The following BASP1 variants were observed in gnomAD, a reference collection of about 807,000 sequenced individuals.
BASP1 encodes the protein brain abundant membrane attached signal protein 1.
In BASP1, 1 loss-of-function variant was observed where a neutral mutation model predicts 2.2. The ratio of observed to expected loss-of-function variants is 0.46; its 90% CI spans 0.16 to 2.17. BASP1 has a LOEUF of 2.17. BASP1 is among the 30% of genes most tolerant of loss of function. The probability of loss-of-function intolerance (pLI) is 0.27; values close to 1 mark genes in which losing one functional copy is unlikely to be tolerated. For synonymous variants in BASP1, 187 were observed against 154.2 expected, an observed-to-expected ratio of 1.21 and a Z score of -1.58; for missense variants, 352 against 327.2, an observed-to-expected ratio of 1.08 and a Z score of -0.58.
At chr5:17,226,803 C>T (rs1739517713) in intron 1 of BASP1, among the ~76,000 whole-genome samples, 2 of 152,108 alleles carry the variant, frequency 1.3e-5, no homozygotes, top group Admixed American at 1.3e-4. Flanking sequence ...AGTGACTTCC[C>T]ACTCCTTAAT....
chr5:17,241,263 C>G (rs1406723040), intron 1 of BASP1, among the ~76,000 whole-genome samples: 4 of 152,014 alleles, frequency 2.6e-5, no homozygotes, highest in African/African-American at 9.7e-5. Context: ...CCAGTCCCGG[C>G]TAATTTTTGT....
At chr5:17,217,072 G>A (rs1739257972), upstream of BASP1, 1 of 96,838 alleles carries the variant, frequency 1.0e-5, no homozygotes. Context: ...GAGAGAGAGT[G>A]AGAGAGAGAG....
intron 1 of BASP1, among the ~76,000 whole-genome samples, chr5:17,218,289 G>A (rs1739309371): frequency 6.7e-6 from 1 of 149,486 alleles, no homozygotes; most frequent in South Asian, 2.1e-4. Flanking sequence ...GGGTGGGGTG[G>A]GGCGGGAGTC....
rs548799323 is a variant in BASP1 at position 17,262,978 on chromosome 5, C to A, written c.-9-12230C>A. ...TCTCCTGCCTCAGCCTCCCGAGTAA[C>A]TGAGACTACAGGCACCCGCCACCAC... On this transcript the variant is annotated intron_variant, in intron 1 of 1. Coordinates refer to ENST00000322611, the MANE Select transcript of BASP1 (RefSeq NM_006317.5). 9.8e-3 allele frequency among the ~76,000 whole-genome samples: 1,487 copies of A among 152,204 alleles called. 9 individuals are homozygous for A. Among genetic ancestry groups the A allele is most frequent in the Non-Finnish European group, 0.015 (997 of 68,006 alleles).
chr5:17,222,129 G>A (rs1046649326), intron 1 of BASP1, among the ~76,000 whole-genome samples: 1 of 151,968 alleles, frequency 6.6e-6, no homozygotes, highest in Non-Finnish European at 1.5e-5. Context: ...AATGAAGCCC[G>A]GGGGACCCCA....
rs1740290822 is a variant in BASP1, at chr5:17,260,321, C to T, written c.-9-14887C>T. 6.6e-6 allele frequency among the ~76,000 whole-genome samples: 1 copy of T among 152,080 alleles called. No homozygotes were observed. The highest frequency in any genetic ancestry group is 2.4e-5 in the African/African-American group (1 of 41,394). On this transcript the variant is annotated intron_variant, in intron 1 of 1. Transcript: ENST00000322611. The surrounding 1 kb of genome is among the most constrained non-coding windows in gnomAD (Gnocchi z 4.2). ...GAGAAGCTTAACTATTATCTGCCACCTTTATAGAAGCATTATCAAGTCAGG... is the reference window on the plus strand; with the variant it reads ...GAGAAGCTTAACTATTATCTGCCACTTTTATAGAAGCATTATCAAGTCAGG...
chr5:17,219,008 T>C (rs1739332517), intron 1 of BASP1, among the ~76,000 whole-genome samples: 1 of 151,728 alleles, frequency 6.6e-6, no homozygotes, highest in South Asian at 2.1e-4. Context: ...TGACAACACC[T>C]CTGTCTCCCC....
At position 17,275,455 on chromosome 5, in the gene BASP1, A is replaced by C. The variant is rs369558531; in HGVS notation, c.239A>C (p.Glu80Ala). 435 of 1,514,284 alleles carry C rather than the reference A, an allele frequency of 2.9e-4. No individual in the cohort carries two copies. Among genetic ancestry groups the C allele is most frequent in the Non-Finnish European group, 3.5e-4 (402 of 1,132,936 alleles). 93.8% of individuals were successfully genotyped at this position (1,514,284 alleles called of 1,614,324 possible). A position where few individuals can be genotyped will look rare whatever the true frequency, so the allele number is the denominator to read the frequency against. The change falls in exon 2 of 2, where the codon GAG (glutamate) becomes GCG (alanine). Residue 80 changes from glutamate (E) to alanine (A), a missense_variant. Glu to Ala is a moderately radical substitution (Grantham distance 107). Coordinates refer to ENST00000322611, the MANE Select transcript of BASP1 (RefSeq NM_006317.5). This position sits in a 1 kb window ranked among gnomAD's most constrained non-coding sequence, Gnocchi z 5.3. ...GAGAAGGACGCGGCGGCTGCCAAGG[A>C]GGAGGCCCCGAAGGCGGAGCCCGAG... is the stretch of plus-strand genomic sequence containing the variant. ...EGEKDAAAAKEEAPKAEPEKT... is the reference protein window; with the variant it reads ...EGEKDAAAAKAEAPKAEPEKT...
At position 17,275,414 on chromosome 5, in the gene BASP1, C is replaced by G. The variant is rs367590306; in HGVS notation, c.198C>G (p.Ala66=). The G allele has an allele frequency of 6.4e-7, 1 of 1,558,486 alleles. No individual in the cohort carries two copies. Reference sequence around the variant, plus strand: ...CCGACCAGGACGCCGAGGGCAAGGCCGAGGAGAAGGAGGGCGAGAAGGACG... The same window carrying G: ...CCGACCAGGACGCCGAGGGCAAGGCGGAGGAGAAGGAGGGCGAGAAGGACG... ...EKPDQDAEGK[A]EEKEGEKDAA... Residue 66 remains alanine (A), a synonymous_variant, in exon 2 of 2, where the codon GCC becomes GCG. Coordinates refer to ENST00000322611, the MANE Select transcript of BASP1 (RefSeq NM_006317.5). The surrounding 1 kb of genome is among the most constrained non-coding windows in gnomAD (Gnocchi z 5.3).
Position 17,252,511 on chromosome 5 carries a change from T to C in BASP1, c.-9-22697T>C, listed in dbSNP as rs1186164928. 2.6e-5 allele frequency among the ~76,000 whole-genome samples: 4 copies of C among 152,174 alleles called. No homozygotes were observed. The East Asian group carries it at 7.7e-4, about 29-fold the overall frequency. ...CTTGCTTGACACCCAAGCACGTTTT[T>C]TGGAGATGTTCTCTGTGGATGTTGT... On this transcript the variant is annotated intron_variant, in intron 1 of 1. Coordinates refer to ENST00000322611, the MANE Select transcript of BASP1 (RefSeq NM_006317.5).
intron 1 of BASP1, among the ~76,000 whole-genome samples, chr5:17,224,976 A>G (rs905770433): frequency 7.2e-5 from 11 of 152,220 alleles, no homozygotes; most frequent in South Asian, 6.2e-4. Flanking sequence ...TTTAACCACT[A>G]TCGAAACCTC....
intron 1 of BASP1, among the ~76,000 whole-genome samples, chr5:17,244,011 C>T (rs868593977): frequency 3.3e-5 from 5 of 152,280 alleles, no homozygotes; most frequent in African/African-American, 1.2e-4. Context: ...TGTAAACTAT[C>T]AGCTAGGGTT....
At chr5:17,242,053 C>T (rs1739873545) in intron 1 of BASP1, among the ~76,000 whole-genome samples, 1 of 152,152 alleles carries the variant, frequency 6.6e-6, no homozygotes, top group Admixed American at 6.5e-5. Flanking sequence ...CACGTCTATT[C>T]TGTATGCTTT....
chr5:17,219,690 T>C (rs1365710438), intron 1 of BASP1, among the ~76,000 whole-genome samples: 2 of 152,168 alleles, frequency 1.3e-5, no homozygotes, highest in Non-Finnish European at 2.9e-5. Context: ...AATTAAGACA[T>C]CTTGGCGTTT....
Position 17,276,081 on chromosome 5 carries a change from A to G in BASP1, c.*181A>G, listed in dbSNP as rs1740655534. 1 of 411,264 alleles carries G rather than the reference A, an allele frequency of 2.4e-6. No homozygotes were observed. The highest frequency in any genetic ancestry group is 4.2e-6 in the Non-Finnish European group (1 of 237,284). 25.5% of individuals were successfully genotyped at this position (411,264 alleles called of 1,614,324 possible). ...AATGATATGTATTGCCCAAGGAAAA[A>G]TACAGGATGTTGTCCCATCAAGGGA... On this transcript the variant is annotated 3_prime_UTR_variant, in exon 2 of 2. Coordinates refer to ENST00000322611, the MANE Select transcript of BASP1 (RefSeq NM_006317.5).
chr5:17,217,235 C>T, upstream of BASP1, among the ~76,000 whole-genome samples: 1 of 48,206 alleles, frequency 2.1e-5, no homozygotes, highest in Non-Finnish European at 3.8e-5. Flanking sequence ...GAAACGTTGG[C>T]GGGGCACAGA....
chr5:17,224,632 T>C (rs554256896), intron 1 of BASP1, among the ~76,000 whole-genome samples: 349 of 152,332 alleles, frequency 2.3e-3, no homozygotes, highest in Non-Finnish European at 4.2e-3. Flanking sequence ...TGCTTGTAGA[T>C]TAGAGGTGCT....
Position 17,275,603 on chromosome 5 carries a change from G to A in BASP1, c.387G>A (p.Pro129=), listed in dbSNP as rs1174351514. The change falls in exon 2 of 2, where the codon CCG becomes CCA. Residue 129 remains proline (P), a synonymous_variant. Transcript: ENST00000322611. This position sits in a 1 kb window ranked among gnomAD's most constrained non-coding sequence, Gnocchi z 5.3. ...AAGCTGCTGAGGCCGCCGCGGCCCC[G>A]GCCGAGAGCGCGGCCCCTGCCGCCG... The part of the protein sequence containing the change: ...APKAAEAAAA[P]AESAAPAAGE... 5 of 1,421,424 alleles carry A rather than the reference G, an allele frequency of 3.5e-6. No individual in the cohort carries two copies. Among genetic ancestry groups the A allele is most frequent in the East Asian group, 5.9e-5 (2 of 34,128 alleles). 88.1% of individuals were successfully genotyped at this position (1,421,424 alleles called of 1,614,324 possible).
In BASP1 at chr5:17,218,124, CGGGAG is replaced by C. The variant is rs1043050091; in HGVS notation, c.-10+316_-10+320del. On this transcript the variant is annotated intron_variant, in intron 1 of 1. Transcript: ENST00000322611. The stretch of plus-strand genomic sequence containing the variant: ...TGTCGGGGAGAGGAGCTGCGGGTGA[CGGGAG>C]GAATTGCCGAATGCGAAACCCCCTC... Among the ~76,000 whole-genome samples the C allele has an allele frequency of 1.6e-4, 24 of 151,738 alleles. 1 individual carries two copies. The highest frequency in any genetic ancestry group is 1.2e-4 in the Non-Finnish European group (8 of 67,918).
Sources: allele counts gnomAD v4.1 joint callset (sites outside exome capture counted in the v4.1 genomes callset), GRCh38; gene constraint gnomAD v4.1.1; non-coding constraint Gnocchi (gnomAD v3.1); transcripts MANE v1.5; gene names NCBI Gene and HGNC (gene_info 2026-07-23, HGNC 2026-07-21).